FRMD5: variants seen among roughly 807,000 people sequenced by gnomAD.
FRMD5 encodes the protein FERM domain containing 5, also known as FERM domain-containing protein 5.
Under a neutral mutation model 69.0 loss-of-function variants are expected in FRMD5, and 20 were observed. The ratio of observed to expected loss-of-function variants is 0.29; its 90% CI spans 0.20 to 0.42. FRMD5 has a LOEUF of 0.42. Among genes scored for constraint, FRMD5 ranks in the 10% least tolerant of loss-of-function variants. The pLI, the probability that FRMD5 is intolerant of heterozygous loss-of-function variation, is 1.00. For synonymous variants in FRMD5, 271 were observed against 260.1 expected (o/e 1.04, Z -0.40); for missense variants, 595 against 708.6 (o/e 0.84, Z 1.82).
intron 1 of FRMD5, among the ~76,000 whole-genome samples, chr15:44,153,610 T>C (rs1386533548): frequency 6.6e-6 from 1 of 152,196 alleles, no homozygotes; most frequent in Non-Finnish European, 1.5e-5. Context: ...AAAAAGACTG[T>C]GGAGGTGGAT....
chr15:44,154,420 T>C (rs1489445518), intron 1 of FRMD5, among the ~76,000 whole-genome samples: 1 of 152,196 alleles, frequency 6.6e-6, no homozygotes, highest in East Asian at 1.9e-4. Flanking sequence ...ATCACCATGT[T>C]AACTTTCTTT....
chr15:44,018,107 T>G (rs557765647), intron 1 of FRMD5, among the ~76,000 whole-genome samples: 83 of 152,354 alleles, frequency 5.4e-4, no homozygotes, highest in Non-Finnish European at 9.8e-4. Flanking sequence ...CAGGATTATT[T>G]AAGTTAATGT....
At chr15:43,993,340 G>A (rs563062008) in intron 1 of FRMD5, among the ~76,000 whole-genome samples, 74 of 152,108 alleles carry the variant, frequency 4.9e-4, no homozygotes, top group African/African-American at 1.6e-3. Flanking sequence ...CTACAGGTGC[G>A]TGCCACCATG....
chr15:44,004,547 T>C (rs530639430), intron 1 of FRMD5, among the ~76,000 whole-genome samples: 1 of 152,330 alleles, frequency 6.6e-6, no homozygotes, highest in South Asian at 2.1e-4. Context: ...ATCCTTAATG[T>C]TACTACTATA....
chr15:44,187,530 C>T (rs971077312), intron 1 of FRMD5, among the ~76,000 whole-genome samples: 1 of 151,416 alleles, frequency 6.6e-6, no homozygotes, highest in East Asian at 1.9e-4. Flanking sequence ...GCCTCTAATG[C>T]TCTTTACGCA....
intron 1 of FRMD5, among the ~76,000 whole-genome samples, chr15:44,067,401 G>A (rs1212508202): frequency 6.6e-6 from 1 of 152,208 alleles, no homozygotes; most frequent in East Asian, 1.9e-4. Flanking sequence ...AGACTTTTGT[G>A]CTTCAGAGGA....
rs77123353 is a variant in FRMD5, at chr15:43,947,856, C to T, written c.103-23547G>A. The stretch of plus-strand genomic sequence containing the variant: ...ATTTCAAACCCCTCCAGTACTTAAA[C>T]CTTTTATCCCAGATGTTAGTAAAAG... On this transcript the variant is annotated intron_variant, in intron 1 of 13. Transcript: ENST00000417257. 3.0e-4 allele frequency among the ~76,000 whole-genome samples: 46 copies of T among 152,350 alleles called. No individual in the cohort carries two copies. In the East Asian group the frequency reaches 6.2e-3, roughly 20 times the overall value.
At chr15:44,087,929 C>G (rs1243281574) in intron 1 of FRMD5, among the ~76,000 whole-genome samples, 1 of 152,168 alleles carries the variant, frequency 6.6e-6, no homozygotes, top group Non-Finnish European at 1.5e-5. Flanking sequence ...TAAAACTACT[C>G]TAGCTGAAGT....
chr15:44,188,588 A>C (rs1366974900), intron 1 of FRMD5, among the ~76,000 whole-genome samples: 2 of 152,190 alleles, frequency 1.3e-5, no homozygotes, highest in Non-Finnish European at 2.9e-5. Flanking sequence ...TGCATTTCTA[A>C]CAAGTACCCA....
chr15:44,051,139 CTTTTTTTTTTTTTT>C (rs779951038), intron 1 of FRMD5, among the ~76,000 whole-genome samples: 3 of 78,398 alleles, frequency 3.8e-5, no homozygotes, highest in East Asian at 4.9e-4. Flanking sequence ...CATTCAGTCA[CTTTTTTTTTTTTTT>C]TTTTTTTTTT....
chr15:43,945,873 C>G (rs755427042), intron 1 of FRMD5, among the ~76,000 whole-genome samples: 5 of 152,016 alleles, frequency 3.3e-5, no homozygotes, highest in African/African-American at 1.2e-4. Flanking sequence ...CTGGCCAAGA[C>G]GGTGAAACCC....
At chr15:44,084,331 C>T (rs1008622436) in intron 1 of FRMD5, among the ~76,000 whole-genome samples, 39 of 151,942 alleles carry the variant, frequency 2.6e-4, no homozygotes, top group African/African-American at 8.5e-4. Context: ...AGAAAGAGAC[C>T]GCAGAAATCA....
chr15:44,142,114 T>G (rs1834641), intron 1 of FRMD5, among the ~76,000 whole-genome samples: 136,254 of 152,138 alleles, frequency 0.9, 61,459 homozygotes, highest in East Asian at 1. Flanking sequence ...TTCATCCAAA[T>G]AACTGATTTA....
chr15:44,192,910 G>A (rs2078219527), intron 1 of FRMD5, among the ~76,000 whole-genome samples: 2 of 152,042 alleles, frequency 1.3e-5, no homozygotes, highest in South Asian at 4.2e-4. Flanking sequence ...TTTTTTAGGT[G>A]GCCTAGATAT....
chr15:44,107,655 C>A (rs2076739307), intron 1 of FRMD5, among the ~76,000 whole-genome samples: 1 of 152,144 alleles, frequency 6.6e-6, no homozygotes, highest in Non-Finnish European at 1.5e-5. Context: ...AATTTTTTAA[C>A]ATTCCATTAA....
At chr15:44,046,128 T>C (rs1185690584) in intron 1 of FRMD5, among the ~76,000 whole-genome samples, 2 of 152,036 alleles carry the variant, frequency 1.3e-5, no homozygotes, top group Non-Finnish European at 2.9e-5. Flanking sequence ...AGCAAATAAT[T>C]CCTGAATGAA....
chr15:44,132,644 G>A (rs1160132410), intron 1 of FRMD5, among the ~76,000 whole-genome samples: 4 of 151,996 alleles, frequency 2.6e-5, no homozygotes, highest in Non-Finnish European at 5.9e-5. Flanking sequence ...TCCCAGGCTG[G>A]TCTCAAACTG....
intron 1 of FRMD5, among the ~76,000 whole-genome samples, chr15:44,180,851 T>TAAA (rs1274890407): frequency 1.3e-5 from 2 of 152,188 alleles, no homozygotes; most frequent in Admixed American, 6.6e-5. Context: ...TATTAGATTA[T>TAAA]AATTGATAAT....
rs1368534338 is a variant in FRMD5 at position 43,872,973 on chromosome 15, T to C, written c.*912A>G. On this transcript the variant is annotated 3_prime_UTR_variant, in exon 14 of 14. Coordinates refer to ENST00000417257, the MANE Select transcript of FRMD5 (RefSeq NM_032892.5). ...AACAGTCTCTCAGGTAACTTAACTCTGCTTTCTCTTAACTACACTTTGTCC... is the reference window on the plus strand; with the variant it reads ...AACAGTCTCTCAGGTAACTTAACTCCGCTTTCTCTTAACTACACTTTGTCC... 1 of 547,046 alleles carries C rather than the reference T, an allele frequency of 1.8e-6. No individual in the cohort carries two copies. The highest frequency in any genetic ancestry group is 3.2e-6 in the Non-Finnish European group (1 of 313,066). 33.9% of individuals were successfully genotyped at this position (547,046 alleles called of 1,614,324 possible).
Sources: allele counts gnomAD v4.1 joint callset (sites outside exome capture counted in the v4.1 genomes callset), GRCh38; gene constraint gnomAD v4.1.1; transcripts MANE v1.5; gene names NCBI Gene and HGNC (gene_info 2026-07-23, HGNC 2026-07-21).